The following CSMD1 variants were observed in gnomAD, a reference collection of about 807,000 sequenced individuals.
CSMD1 encodes the protein CUB and Sushi multiple domains 1, also known as CUB and sushi domain-containing protein 1.
A neutral mutation model predicts 417.5 loss-of-function variants in CSMD1; 213 were observed. That is an observed-to-expected ratio of 0.51 (90% CI 0.46 to 0.57). The LOEUF is 0.57. Among genes scored for constraint, CSMD1 ranks in the 20% least tolerant of loss-of-function variants. The probability of loss-of-function intolerance (pLI) is 0.00; values close to 1 mark genes in which losing one functional copy is unlikely to be tolerated. For missense variants in CSMD1, 6,923 were observed against 4,529.7 expected (o/e 1.53, Z -15.17); for synonymous variants, 2,862 against 1,736.8 (o/e 1.65, Z -16.11).
At chr8:4,207,667 G>C (rs998989581) in intron 3 of CSMD1, among the ~76,000 whole-genome samples, 3 of 152,064 alleles carry the variant, frequency 2.0e-5, no homozygotes, top group Non-Finnish European at 2.9e-5. Context: ...ACATAAATTA[G>C]TGTGCATTCA....
chr8:4,912,880 G>A (rs1805794261), intron 1 of CSMD1, among the ~76,000 whole-genome samples: 2 of 151,998 alleles, frequency 1.3e-5, no homozygotes, highest in Non-Finnish European at 2.9e-5. Flanking sequence ...CCACCTCCTG[G>A]GTTCAAGTAA....
chr8:3,932,566 T>G (rs1197706912), intron 5 of CSMD1, among the ~76,000 whole-genome samples: 1 of 150,630 alleles, frequency 6.6e-6, no homozygotes, highest in Non-Finnish European at 1.5e-5. Flanking sequence ...TGCATTGCAG[T>G]CTAATTAGTA....
At position 3,078,821 on chromosome 8, in the gene CSMD1, G is replaced by A. The variant is rs1585294178; in HGVS notation, c.7474+8276C>T. 4.6e-5 allele frequency among the ~76,000 whole-genome samples: 7 copies of A among 152,102 alleles called. No homozygotes were observed. In the South Asian group the frequency reaches 1.5e-3, roughly 32 times the overall value. ...CTTGACATTCAACAACATTCTGCTT[G>A]ACAGCCAACCAATAGGTTTGCACCA... On this transcript the variant is annotated intron_variant, in intron 49 of 69. Transcript: ENST00000635120.
intron 1 of CSMD1, among the ~76,000 whole-genome samples, chr8:4,701,572 T>C (rs1216559254): frequency 2.6e-5 from 4 of 152,062 alleles, no homozygotes; most frequent in African/African-American, 7.2e-5. Flanking sequence ...TGATTCTCAT[T>C]TGAGAATAGC....
chr8:3,161,163 G>T (rs1482331765), intron 38 of CSMD1, among the ~76,000 whole-genome samples: 1 of 152,108 alleles, frequency 6.6e-6, no homozygotes. Flanking sequence ...TTTTATTGCT[G>T]GCAGAGAGAA....
chr8:4,525,979 G>A (rs377560716), intron 2 of CSMD1, among the ~76,000 whole-genome samples: 3 of 152,174 alleles, frequency 2.0e-5, no homozygotes, highest in East Asian at 3.9e-4. Context: ...GCCTTTGCCC[G>A]TTGCTTCCAG....
chr8:3,351,150 A>T (rs530634182), intron 21 of CSMD1, among the ~76,000 whole-genome samples: 7 of 152,228 alleles, frequency 4.6e-5, no homozygotes, highest in Admixed American at 4.6e-4. Context: ...ATATGTAATA[A>T]TAGCTCATTT....
intron 2 of CSMD1, among the ~76,000 whole-genome samples, chr8:4,512,234 C>T (rs1295432417): frequency 6.6e-6 from 1 of 152,144 alleles, no homozygotes; most frequent in Non-Finnish European, 1.5e-5. Flanking sequence ...AAATCCAATA[C>T]ATATTTATGA....
At chr8:4,701,992 G>A (rs1248807100) in intron 1 of CSMD1, among the ~76,000 whole-genome samples, 1 of 152,170 alleles carries the variant, frequency 6.6e-6, no homozygotes, top group Non-Finnish European at 1.5e-5. Context: ...ATTATCCTCA[G>A]CAAACTAACT....
intron 5 of CSMD1, among the ~76,000 whole-genome samples, chr8:3,872,669 C>T (rs1214782890): frequency 6.6e-6 from 1 of 152,028 alleles, no homozygotes; most frequent in Non-Finnish European, 1.5e-5. Flanking sequence ...TTTCCTGAGC[C>T]CTTCATTCAT....
chr8:3,616,061 G>C (rs1212287861), intron 8 of CSMD1, among the ~76,000 whole-genome samples: 1 of 152,058 alleles, frequency 6.6e-6, no homozygotes, highest in South Asian at 2.1e-4. Context: ...CATTCCTAAA[G>C]TTTTTTAATG....
chr8:4,176,114 A>G (rs982604668), intron 3 of CSMD1, among the ~76,000 whole-genome samples: 1 of 152,120 alleles, frequency 6.6e-6, no homozygotes, highest in African/African-American at 2.4e-5. Context: ...TTGTAGACAG[A>G]AAGTCTCAAG....
At chr8:3,256,473 C>T (rs1256233921) in intron 26 of CSMD1, among the ~76,000 whole-genome samples, 1 of 152,180 alleles carries the variant, frequency 6.6e-6, no homozygotes, top group Non-Finnish European at 1.5e-5. Flanking sequence ...ATTGATGCTT[C>T]AGATCTAGCT....
chr8:3,172,617 T>G (rs999143374), intron 37 of CSMD1, among the ~76,000 whole-genome samples: 2 of 152,106 alleles, frequency 1.3e-5, no homozygotes, highest in Non-Finnish European at 2.9e-5. Context: ...TGTGTATAAT[T>G]GGTGGTGCAC....
intron 25 of CSMD1, among the ~76,000 whole-genome samples, chr8:3,295,873 T>G (rs890199107): frequency 5.9e-5 from 9 of 152,166 alleles, no homozygotes; most frequent in African/African-American, 2.2e-4. Context: ...TTTGATTTAG[T>G]TCAATAATTC....
At chr8:3,190,193 A>G in intron 33 of CSMD1, 78 bp from the exon 34 acceptor site, 2 of 1,001,088 alleles carry the variant, frequency 2.0e-6, no homozygotes, top group Non-Finnish European at 2.9e-6. Context: ...TGGGTTTAAG[A>G]TGGGACCAAG....
chr8:4,496,452 G>C (rs1199182211), intron 2 of CSMD1, among the ~76,000 whole-genome samples: 1 of 152,174 alleles, frequency 6.6e-6, no homozygotes, highest in African/African-American at 2.4e-5. Flanking sequence ...ACATTCTATG[G>C]AAGGCAAGCC....
intron 3 of CSMD1, among the ~76,000 whole-genome samples, chr8:4,344,944 C>A (rs1800696662): frequency 6.6e-6 from 1 of 152,074 alleles, no homozygotes; most frequent in South Asian, 2.1e-4. Context: ...GTCTCTGTTC[C>A]AATGTGCAAA....
intron 2 of CSMD1, among the ~76,000 whole-genome samples, chr8:4,540,091 G>A (rs1797304550): frequency 6.6e-6 from 1 of 152,064 alleles, no homozygotes; most frequent in African/African-American, 2.4e-5. Context: ...TACGATTATC[G>A]TGACACCATA....
Sources: gnomAD v4.1 joint callset for allele counts (sites outside exome capture counted in the v4.1 genomes callset) on GRCh38, gnomAD v4.1.1 for gene constraint, MANE v1.5 for transcripts, NCBI Gene and HGNC (gene_info 2026-07-23, HGNC 2026-07-21) for gene names.